The following MRC2 variants were observed in gnomAD, a reference collection of about 807,000 sequenced individuals.
MRC2 encodes mannose receptor C-type 2.
In MRC2, 84 loss-of-function variants were observed where a neutral mutation model predicts 206.2. The ratio of observed to expected loss-of-function variants is 0.41; its 90% CI spans 0.34 to 0.49. The LOEUF is 0.49. Among genes scored for constraint, MRC2 ranks in the 20% least tolerant of loss-of-function variants. The probability of loss-of-function intolerance (pLI) is 0.31; values close to 1 mark genes in which losing one functional copy is unlikely to be tolerated. For missense variants in MRC2, 1,676 were observed against 2,001.5 expected, an observed-to-expected ratio of 0.84 and a Z score of 3.10; for synonymous variants, 798 against 800.0, an observed-to-expected ratio of 1.00 and a Z score of 0.04.
At chr17:62,654,773 C>T (rs1359194113) in intron 1 of MRC2, among the ~76,000 whole-genome samples, 1 of 152,216 alleles carries the variant, frequency 6.6e-6, no homozygotes, top group African/African-American at 2.4e-5. Context: ...ACCCAGTTGC[C>T]CATGAGCACA....
In MRC2 at chr17:62,693,339, G is replaced by C. The variant is rs940277391; in HGVS notation, c.*888G>C. The C allele has an allele frequency of 3.3e-5, 5 of 152,540 alleles. No homozygotes were observed. Among genetic ancestry groups the C allele is most frequent in the Non-Finnish European group, 7.3e-5 (5 of 68,162 alleles). 9.4% of individuals were successfully genotyped at this position (152,540 alleles called of 1,614,324 possible). ...GAGCAGGAGTCTGGGAGGGCCCAGAGTTCACCCTCTAGTGGATCCAGGAGG... is the reference window on the plus strand; with the variant it reads ...GAGCAGGAGTCTGGGAGGGCCCAGACTTCACCCTCTAGTGGATCCAGGAGG... On this transcript the variant is annotated 3_prime_UTR_variant, in exon 30 of 30. Transcript: ENST00000303375.
chr17:62,644,313 A>G (rs1003812329), intron 1 of MRC2, among the ~76,000 whole-genome samples: 4 of 151,992 alleles, frequency 2.6e-5, no homozygotes, highest in Non-Finnish European at 4.4e-5. Context: ...CAGCTACTCG[A>G]GAGGCTGAGG....
At position 62,666,769 on chromosome 17, in the gene MRC2, G is replaced by GGAGGAGCT; in HGVS notation, c.873_874insAGGAGCTG (p.Tyr292ArgfsTer12). On this transcript the variant is annotated frameshift_variant, in exon 5 of 30. Transcript: ENST00000303375. LOFTEE classifies it high-confidence loss of function. The surrounding 1 kb of genome is among the most constrained non-coding windows in gnomAD (Gnocchi z 5.0). ...TCCTTGCTGTCAGGCCTCCTCACTG[G>GGAGGAGCT]GTACAGCTCCACCCTGTGGATCGGC... 1.2e-6 allele frequency: 2 copies of GGAGGAGCT among 1,613,820 alleles called. No individual in the cohort carries two copies. The highest frequency in any genetic ancestry group is 1.7e-6 in the Non-Finnish European group (2 of 1,179,914).
chr17:62,693,070 G>T lies in MRC2; in HGVS notation c.*619G>T. 6.5e-6 allele frequency: 1 copy of T among 153,530 alleles called. No individual in the cohort carries two copies. The highest frequency in any genetic ancestry group is 2.1e-4 in the South Asian group (1 of 4,856). 9.5% of individuals were successfully genotyped at this position (153,530 alleles called of 1,614,324 possible). ...GTGGCAGGAGGGGCCTAGGTGGGTT[G>T]GGCCTGAGAACCAGGGCACGGGTGT... is the stretch of plus-strand genomic sequence containing the variant. On this transcript the variant is annotated 3_prime_UTR_variant, in exon 30 of 30. Transcript: ENST00000303375.
In MRC2 at chr17:62,673,507, C is replaced by CT. The variant is rs55974246; in HGVS notation, c.1462-537dup. On this transcript the variant is annotated intron_variant, in intron 8 of 29. Coordinates refer to ENST00000303375, the MANE Select transcript of MRC2 (RefSeq NM_006039.5). ...TCAATAATGTAAAAGGACGCCTTTC[C>CT]TTTTTTTTTTTTTTTTTTTGAGATG... Among the ~76,000 whole-genome samples, 592 of 119,668 alleles carry CT rather than the reference C, an allele frequency of 4.9e-3. 3 individuals are homozygous for CT. Among genetic ancestry groups the CT allele is most frequent in the South Asian group, 7.9e-3 (30 of 3,802 alleles). The allele number at this position is 119,668 out of a possible 152,430, so 78.5% of individuals were successfully genotyped here.
chr17:62,685,203 TA>T (rs1295828932), intron 20 of MRC2, among the ~76,000 whole-genome samples: 2 of 151,886 alleles, frequency 1.3e-5, no homozygotes, highest in Non-Finnish European at 2.9e-5. Flanking sequence ...CTTAAAAAAT[TA>T]AGGCATGTAT....
rs903479830 is a variant in MRC2, at chr17:62,666,810, A to G, written c.913A>G (p.Thr305Ala). ...GTGGATCGGCTTGAATGACTTGGAC[A>G]CGAGCGGAGGCTGGCAGTGGTCGGA... The part of the protein sequence containing the change: ...TLWIGLNDLD[T>A]SGGWQWSDNS... Residue 305 changes from threonine (T) to alanine (A), a missense_variant, in exon 5 of 30, where the codon ACG becomes GCG. Coordinates refer to ENST00000303375, the MANE Select transcript of MRC2 (RefSeq NM_006039.5). This position sits in a 1 kb window ranked among gnomAD's most constrained non-coding sequence, Gnocchi z 5.0. The G allele has an allele frequency of 3.1e-6, 5 of 1,613,450 alleles. No individual in the cohort carries two copies. Among genetic ancestry groups the G allele is most frequent in the African/African-American group, 2.7e-5 (2 of 74,852 alleles).
chr17:62,692,044 A>G lies in MRC2; in HGVS notation c.4193-68A>G, dbSNP rs1370589209. On this transcript the variant is annotated intron_variant, in intron 28 of 29. Coordinates refer to ENST00000303375, the MANE Select transcript of MRC2 (RefSeq NM_006039.5). This position sits in a 1 kb window ranked among gnomAD's most constrained non-coding sequence, Gnocchi z 4.2. The stretch of plus-strand genomic sequence containing the variant: ...CCCGGCCCAGGCCTGTGTGCTTTGT[A>G]TGTTTACTTAAGTGATTATTACGAT... 2 of 1,606,910 alleles carry G rather than the reference A, an allele frequency of 1.2e-6. No homozygotes were observed. The highest frequency in any genetic ancestry group is 4.5e-5 in the East Asian group (2 of 44,818).
At chr17:62,641,495 A>G (rs1268676377) in intron 1 of MRC2, among the ~76,000 whole-genome samples, 1 of 152,120 alleles carries the variant, frequency 6.6e-6, no homozygotes, top group African/African-American at 2.4e-5. Context: ...CTTGGTCCCC[A>G]AGGAAAGGGG....
chr17:62,681,725 C>A, intron 18 of MRC2, 112 bp from the exon 19 acceptor site: 7 of 849,710 alleles, frequency 8.2e-6, no homozygotes, highest in Non-Finnish European at 9.5e-6. Flanking sequence ...GCCACTAAAC[C>A]CCAGAACCTG....
chr17:62,633,840 C>CAAAAA lies in MRC2; in HGVS notation c.118+5958_118+5962dup, dbSNP rs571793821. Among the ~76,000 whole-genome samples the CAAAAA allele has an allele frequency of 1.6e-3, 54 of 33,918 alleles. 9 individuals carry two copies. The highest frequency in any genetic ancestry group is 5.1e-3 in the Admixed American group (8 of 1,558). The allele number at this position is 33,918 out of a possible 152,430, so 22.3% of individuals were successfully genotyped here. A position where few individuals can be genotyped will look rare whatever the true frequency, so the allele number is the denominator to read the frequency against. On this transcript the variant is annotated intron_variant, in intron 1 of 29. Coordinates refer to ENST00000303375, the MANE Select transcript of MRC2 (RefSeq NM_006039.5). ...TGAGTGACAGAGTGAGACCCTGTCT[C>CAAAAA]AAAAAAAAAAAAAAAAAAAAAAAAA...
At chr17:62,687,725 T>C (rs928745877) in intron 20 of MRC2, among the ~76,000 whole-genome samples, 2 of 151,902 alleles carry the variant, frequency 1.3e-5, no homozygotes, top group Admixed American at 6.6e-5. Flanking sequence ...CTACTAAAAA[T>C]ACAAAAAATT....
chr17:62,682,892 T>C (rs2088986935), intron 20 of MRC2, among the ~76,000 whole-genome samples: 1 of 152,014 alleles, frequency 6.6e-6, no homozygotes, highest in Non-Finnish European at 1.5e-5. Flanking sequence ...TCACCTGCCT[T>C]GGCCTCCCAA....
chr17:62,646,248 TCTC>T (rs1463833593), intron 1 of MRC2, among the ~76,000 whole-genome samples: 2 of 151,910 alleles, frequency 1.3e-5, no homozygotes, highest in Non-Finnish European at 2.9e-5. Flanking sequence ...ATTGTCTTGA[TCTC>T]CTGACCTCGT....
At chr17:62,643,066 G>T (rs529723858) in intron 1 of MRC2, among the ~76,000 whole-genome samples, 4 of 152,038 alleles carry the variant, frequency 2.6e-5, no homozygotes, top group Admixed American at 6.6e-5. Context: ...GGTTGCTCTC[G>T]CCTGTAATCC....
chr17:62,680,728 C>T lies in MRC2; in HGVS notation c.2474-72C>T, dbSNP rs1012667419. The T allele has an allele frequency of 2.8e-6, 4 of 1,408,396 alleles. No individual in the cohort carries two copies. Among genetic ancestry groups the T allele is most frequent in the African/African-American group, 1.5e-5 (1 of 66,750 alleles). The allele number at this position is 1,408,396 out of a possible 1,614,324, so 87.2% of individuals were successfully genotyped here. A position where few individuals can be genotyped will look rare whatever the true frequency, so the allele number is the denominator to read the frequency against. On this transcript the variant is annotated intron_variant, in intron 16 of 29. Transcript: ENST00000303375. The surrounding 1 kb of genome is among the most constrained non-coding windows in gnomAD (Gnocchi z 4.8). ...CCGCCTGGCTCTGCCCCGGCCCTGCCGCGCCCGCCTCCGGGGCCTGGCGTG... is the reference window on the plus strand; with the variant it reads ...CCGCCTGGCTCTGCCCCGGCCCTGCTGCGCCCGCCTCCGGGGCCTGGCGTG...
At chr17:62,657,878 C>T (rs569071952) in intron 1 of MRC2, among the ~76,000 whole-genome samples, 5 of 152,228 alleles carry the variant, frequency 3.3e-5, no homozygotes, top group East Asian at 1.9e-4. Flanking sequence ...CCAGGCCCAC[C>T]GGCCACTTCG....
chr17:62,647,664 T>A (rs1218878240), intron 1 of MRC2, among the ~76,000 whole-genome samples: 1 of 152,220 alleles, frequency 6.6e-6, no homozygotes, highest in Non-Finnish European at 1.5e-5. Flanking sequence ...AATAATGCTG[T>A]GTGGCTAAAT....
chr17:62,670,163 A>G (rs1338759947), intron 6 of MRC2, among the ~76,000 whole-genome samples: 2 of 152,174 alleles, frequency 1.3e-5, no homozygotes, highest in Non-Finnish European at 2.9e-5. Flanking sequence ...TCTCTGCACG[A>G]GGCATATTCT....
Sources: gnomAD v4.1 joint callset for allele counts (sites outside exome capture counted in the v4.1 genomes callset) on GRCh38, gnomAD v4.1.1 for gene constraint, Gnocchi (gnomAD v3.1) non-coding constraint, MANE v1.5 for transcripts, NCBI Gene and HGNC (gene_info 2026-07-23, HGNC 2026-07-21) for gene names.